Variants in ADHFE1 observed in about 807,000 individuals in gnomAD.
ADHFE1 encodes alcohol dehydrogenase iron containing 1.
A neutral mutation model predicts 54.8 loss-of-function variants in ADHFE1; 37 were observed. The ratio of observed to expected loss-of-function variants is 0.68; its 90% CI spans 0.52 to 0.89. The LOEUF is 0.89. Ranked by LOEUF, ADHFE1 falls within the 40% of genes least tolerant of loss-of-function variation. The pLI is 0.00. For synonymous variants in ADHFE1, 203 were observed against 229.3 expected (o/e 0.89, Z 1.04); for missense variants, 601 against 591.2 (o/e 1.02, Z -0.17).
chr8:66,446,730 T>G (rs543879049), intron 6 of ADHFE1, among the ~76,000 whole-genome samples: 1 of 152,208 alleles, frequency 6.6e-6, no homozygotes, highest in Non-Finnish European at 1.5e-5. Context: ...TAAACACACA[T>G]GCATGCTAAA....
intron 9 of ADHFE1, among the ~76,000 whole-genome samples, chr8:66,453,087 A>G (rs575845839): frequency 6.6e-6 from 1 of 152,306 alleles, no homozygotes; most frequent in African/African-American, 2.4e-5. Context: ...GCAGCACTTG[A>G]CTAGATCCAA....
intron 3 of ADHFE1, 93 bp from the exon 4 acceptor site, chr8:66,444,274 G>C: frequency 8.5e-7 from 1 of 1,179,700 alleles, no homozygotes; most frequent in East Asian, 2.4e-5. Context: ...TATACTTTAT[G>C]CTCTAGGCAA....
chr8:66,449,024 T>C, intron 8 of ADHFE1, 54 bp downstream of exon 8: 2 of 1,479,618 alleles, frequency 1.4e-6, no homozygotes, highest in South Asian at 1.1e-5. Flanking sequence ...CTATGGATAG[T>C]ATTTTGTTGC....
chr8:66,441,701 A>G lies in ADHFE1; in HGVS notation c.98-1097A>G, dbSNP rs548840045. On this transcript the variant is annotated intron_variant, in intron 2 of 13. Coordinates refer to ENST00000396623, the MANE Select transcript of ADHFE1 (RefSeq NM_144650.3). ...CCTTTGCAAGGAAATAGCACCTTAT[A>G]AAAATGTTTATTAGGCCGGGCACGG... 1.3e-3 allele frequency among the ~76,000 whole-genome samples: 199 copies of G among 152,334 alleles called. 1 individual carries two copies. Among genetic ancestry groups the G allele is most frequent in the Non-Finnish European group, 2.2e-3 (152 of 68,024 alleles).
intron 2 of ADHFE1, 144 bp from the exon 3 acceptor site, chr8:66,442,654 A>G: frequency 1.4e-6 from 1 of 708,268 alleles, no homozygotes. Flanking sequence ...TTTTAATTTG[A>G]TGTGCAACAG....
At chr8:66,448,160 A>C (rs1349315292) in intron 7 of ADHFE1, among the ~76,000 whole-genome samples, 1 of 152,236 alleles carries the variant, frequency 6.6e-6, no homozygotes, top group Non-Finnish European at 1.5e-5. Context: ...CTAATGCGGT[A>C]GAAATGTCTC....
In ADHFE1 at chr8:66,445,303, A is replaced by C; in HGVS notation, c.439A>C (p.Lys147Gln). The C allele has an allele frequency of 6.2e-7, 1 of 1,614,048 alleles. No individual in the cohort carries two copies. ...VGGGSTMDTC[K>Q]AANLYASSPH... is the part of the protein sequence containing the mutation. Reference sequence around the variant, plus strand: ...TGGTGGCTCTACCATGGACACCTGTAAGGCTGCTAATCTGTATGCATCCAG... The same window carrying C: ...TGGTGGCTCTACCATGGACACCTGTCAGGCTGCTAATCTGTATGCATCCAG... Residue 147 changes from lysine to glutamine, a missense_variant, in exon 6 of 14, where the codon AAG (lysine) becomes CAG (glutamine). Coordinates refer to ENST00000396623, the MANE Select transcript of ADHFE1 (RefSeq NM_144650.3).
chr8:66,448,815 TAAAA>T, intron 7 of ADHFE1, 46 bp from the exon 8 acceptor site: 2 of 1,478,916 alleles, frequency 1.4e-6, no homozygotes, highest in South Asian at 2.4e-5. Flanking sequence ...TTTTTCTTCT[TAAAA>T]TGATGCCCAT....
chr8:66,440,159 T>G lies in ADHFE1; in HGVS notation c.60-3T>G. On this transcript the variant is annotated splice_polypyrimidine_tract_variant and splice_region_variant and intron_variant, in intron 1 of 13. Coordinates refer to ENST00000396623, the MANE Select transcript of ADHFE1 (RefSeq NM_144650.3). The stretch of plus-strand genomic sequence containing the variant: ...TTTTTGCTGTCGTTTTTATTTTCCC[T>G]AGGTGCCAGTGCCCAACTCATTCTC... 3 of 1,481,772 alleles carry G rather than the reference T, an allele frequency of 2.0e-6. No individual in the cohort carries two copies. The highest frequency in any genetic ancestry group is 2.8e-6 in the Non-Finnish European group (3 of 1,069,590). The allele number at this position is 1,481,772 out of a possible 1,614,324, so 91.8% of individuals were successfully genotyped here.
chr8:66,468,180 C>G (rs1807302271), intron 13 of ADHFE1, 89 bp from the exon 14 acceptor site: 1 of 966,486 alleles, frequency 1.0e-6, no homozygotes, highest in African/African-American at 1.7e-5. Flanking sequence ...GTCATTGATT[C>G]TTATGACCAA....
At chr8:66,466,882 TGGTGGGACTAAGTGA>T (rs995524755) in intron 13 of ADHFE1, among the ~76,000 whole-genome samples, 4 of 152,072 alleles carry the variant, frequency 2.6e-5, no homozygotes, top group Non-Finnish European at 1.5e-5. Context: ...TTAAAAGGGA[TGGTGGGACTAAGTGA>T]GGTGTTAGAG....
chr8:66,462,346 C>G (rs1563495560), intron 13 of ADHFE1, among the ~76,000 whole-genome samples: 2 of 152,132 alleles, frequency 1.3e-5, no homozygotes, highest in Non-Finnish European at 2.9e-5. Context: ...ACCTCCCAGG[C>G]TCAAGTGATC....
At position 66,432,536 on chromosome 8, in the gene ADHFE1, C is replaced by T; in HGVS notation, c.20C>T (p.Ala7Val). The T allele has an allele frequency of 1.5e-6, 2 of 1,359,758 alleles. No individual in the cohort carries two copies. The highest frequency in any genetic ancestry group is 1.9e-6 in the Non-Finnish European group (2 of 1,045,576). 84.2% of individuals were successfully genotyped at this position (1,359,758 alleles called of 1,614,324 possible). The change falls in exon 1 of 14, where the codon GCC becomes GTC. Residue 7 changes from alanine to valine, a missense_variant. Coordinates refer to ENST00000396623, the MANE Select transcript of ADHFE1 (RefSeq NM_144650.3). Reference protein sequence around the residue: MAAAARARVAYLLRQLQ... With the variant: MAAAARVRVAYLLRQLQ... ...AGCGCCATGGCCGCTGCCGCCCGAG[C>T]CCGGGTCGCGTACTTGCTGAGGCAA...
chr8:66,467,776 T>C (rs139441696), intron 13 of ADHFE1, among the ~76,000 whole-genome samples: 1 of 152,290 alleles, frequency 6.6e-6, no homozygotes, highest in East Asian at 1.9e-4. Context: ...CTTGGGAACA[T>C]AGAGATAAAA....
At position 66,439,720 on chromosome 8, in the gene ADHFE1, C is replaced by T. The variant is rs1805647960; in HGVS notation, c.60-442C>T. ...AGAAAAATTAGACATCTTGAAGACA[C>T]TGGGAAATATATAAGGCAAGTTCCC... On this transcript the variant is annotated intron_variant, in intron 1 of 13. Transcript: ENST00000396623. The surrounding 1 kb of genome is among the most constrained non-coding windows in gnomAD (Gnocchi z 4.4). 4.0e-6 allele frequency: 4 copies of T among 992,016 alleles called. No individual in the cohort carries two copies. The highest frequency in any genetic ancestry group is 9.2e-5 in the South Asian group (2 of 21,764). 61.5% of individuals were successfully genotyped at this position (992,016 alleles called of 1,614,324 possible). A position where few individuals can be genotyped will look rare whatever the true frequency, so the allele number is the denominator to read the frequency against.
At chr8:66,454,454 A>C (rs1365240216) in intron 10 of ADHFE1, among the ~76,000 whole-genome samples, 1 of 152,096 alleles carries the variant, frequency 6.6e-6, no homozygotes, top group African/African-American at 2.4e-5. Context: ...GTAGAAACCT[A>C]AATGTATTCT....
intron 1 of ADHFE1, among the ~76,000 whole-genome samples, chr8:66,435,985 G>A (rs1208417485): frequency 1.4e-5 from 2 of 145,808 alleles, no homozygotes; most frequent in African/African-American, 2.6e-5. Flanking sequence ...GTGTGATCTC[G>A]GCTCACTGCA....
rs766917486 is a variant in ADHFE1, at chr8:66,432,545, C to T, written c.29C>T (p.Ala10Val). ...GCCGCTGCCGCCCGAGCCCGGGTCG[C>T]GTACTTGCTGAGGCAACTGCAACGC... is the stretch of plus-strand genomic sequence containing the variant. MAAAARARVAYLLRQLQRAA... is the reference protein window; with the variant it reads MAAAARARVVYLLRQLQRAA... The change falls in exon 1 of 14, where the codon GCG (alanine) becomes GTG (valine). Residue 10 changes from alanine (A) to valine (V), a missense_variant. By Grantham distance (64) the Ala-to-Val change is moderately conservative. Transcript: ENST00000396623. 1 of 1,356,556 alleles carries T rather than the reference C, an allele frequency of 7.4e-7. No individual in the cohort carries two copies. The highest frequency in any genetic ancestry group is 9.6e-7 in the Non-Finnish European group (1 of 1,044,012). The allele number at this position is 1,356,556 out of a possible 1,614,324, so 84.0% of individuals were successfully genotyped here.
intron 13 of ADHFE1, among the ~76,000 whole-genome samples, chr8:66,461,696 A>G (rs931848140): frequency 1.3e-5 from 2 of 151,890 alleles, no homozygotes; most frequent in Admixed American, 6.6e-5. Context: ...ACCAAGCAGA[A>G]GATCAGGTCC....
Sources: allele counts gnomAD v4.1 joint callset (sites outside exome capture counted in the v4.1 genomes callset), GRCh38; gene constraint gnomAD v4.1.1; non-coding constraint Gnocchi (gnomAD v3.1); transcripts MANE v1.5; gene names NCBI Gene and HGNC (gene_info 2026-07-23, HGNC 2026-07-21).